The following FAM53B variants were observed in gnomAD, a reference collection of about 807,000 sequenced individuals.
FAM53B encodes the protein protein FAM53B.
A neutral mutation model predicts 32.7 loss-of-function variants in FAM53B; 12 were observed. The ratio of observed to expected loss-of-function variants is 0.37; its 90% CI spans 0.24 to 0.59. FAM53B has a LOEUF of 0.59. Ranked by LOEUF, FAM53B falls within the 20% of genes least tolerant of loss-of-function variation. The probability of loss-of-function intolerance (pLI) is 0.72; values close to 1 mark genes in which losing one functional copy is unlikely to be tolerated. For synonymous variants in FAM53B, 234 were observed against 228.7 expected (o/e 1.02, Z -0.21); for missense variants, 477 against 577.7 (o/e 0.83, Z 1.79).
intron 3 of FAM53B, among the ~76,000 whole-genome samples, chr10:124,690,765 T>C (rs1258465817): frequency 1.3e-5 from 2 of 152,110 alleles, no homozygotes; most frequent in Non-Finnish European, 2.9e-5. Flanking sequence ...ATAATAAAAA[T>C]AAAAATAATA....
intron 1 of FAM53B, chr10:124,707,911 G>A (rs1949972511): frequency 6.6e-6 from 1 of 152,166 alleles, no homozygotes. Flanking sequence ...ATTCTGCACA[G>A]CCTATCCGCA....
intron 4 of FAM53B, among the ~76,000 whole-genome samples, chr10:124,631,066 G>A (rs1949387972): frequency 6.6e-6 from 1 of 152,222 alleles, no homozygotes; most frequent in Non-Finnish European, 1.5e-5. Flanking sequence ...GCCACGCTGA[G>A]TCACTTCGGG....
chr10:124,707,985 G>C (rs1949973166), intron 1 of FAM53B: 1 of 152,186 alleles, frequency 6.6e-6, no homozygotes, highest in Admixed American at 6.5e-5. Context: ...GCGGCCTTCA[G>C]TTCAGGTTTG....
At chr10:124,718,417 C>A (rs1441434334) in intron 1 of FAM53B, among the ~76,000 whole-genome samples, 1 of 151,620 alleles carries the variant, frequency 6.6e-6, no homozygotes, top group Non-Finnish European at 1.5e-5. Context: ...TCTACCCCCA[C>A]ATCGCGCTGC....
At chr10:124,680,329 C>T (rs895022126) in intron 4 of FAM53B, among the ~76,000 whole-genome samples, 1 of 152,208 alleles carries the variant, frequency 6.6e-6, no homozygotes, top group Non-Finnish European at 1.5e-5. Flanking sequence ...AATGCCCCAG[C>T]CAGTGCCCAG....
intron 3 of FAM53B, among the ~76,000 whole-genome samples, chr10:124,687,229 C>T (rs545995011): frequency 3.3e-5 from 5 of 152,304 alleles, no homozygotes; most frequent in East Asian, 1.9e-4. Flanking sequence ...TAGGCCCTGA[C>T]GTCACACCAT....
intron 4 of FAM53B, among the ~76,000 whole-genome samples, chr10:124,646,161 G>A (rs372091488): frequency 1.8e-4 from 28 of 152,338 alleles, no homozygotes; most frequent in African/African-American, 6.5e-4. Flanking sequence ...AGCGGATGGA[G>A]TCAGGGATCC....
At position 124,657,177 on chromosome 10, in the gene FAM53B, CAT is replaced by C. The variant is rs368205103; in HGVS notation, c.906+24428_906+24429del. On this transcript the variant is annotated intron_variant, in intron 4 of 4. Transcript: ENST00000337318. ...ATATATGTGTGTATATATATATGTA[CAT>C]ATATATATATATATAAGAAATGGCA... Among the ~76,000 whole-genome samples the C allele has an allele frequency of 5.0e-3, 378 of 75,018 alleles. 4 individuals carry two copies. Among genetic ancestry groups the C allele is most frequent in the East Asian group, 0.027 (77 of 2,844 alleles). The allele number at this position is 75,018 out of a possible 152,430, so 49.2% of individuals were successfully genotyped here. A position where few individuals can be genotyped will look rare whatever the true frequency, so the allele number is the denominator to read the frequency against.
rs1348274605 is a variant in FAM53B, at chr10:124,682,543, TGA to T, written c.134-166_134-165del. Among the ~76,000 whole-genome samples, 1 of 152,116 alleles carries T rather than the reference TGA, an allele frequency of 6.6e-6. No individual in the cohort carries two copies. Among genetic ancestry groups the T allele is most frequent in the African/African-American group, 2.4e-5 (1 of 41,420 alleles). ...CATTTTACAGATGAGAAATTGAGGC[TGA>T]GAGAGGAGAAGTGAATCCCAAGGCT... On this transcript the variant is annotated intron_variant, in intron 3 of 4. Coordinates refer to ENST00000337318, the MANE Select transcript of FAM53B (RefSeq NM_014661.4). This position sits in a 1 kb window ranked among gnomAD's most constrained non-coding sequence, Gnocchi z 5.2.
chr10:124,732,972 C>T (rs984857983), intron 1 of FAM53B, among the ~76,000 whole-genome samples: 1 of 152,222 alleles, frequency 6.6e-6, no homozygotes, highest in African/African-American at 2.4e-5. Context: ...CTCCAGTTTG[C>T]TGCTCAACTT....
At chr10:124,683,314 C>T (rs1949784272) in intron 3 of FAM53B, among the ~76,000 whole-genome samples, 1 of 152,100 alleles carries the variant, frequency 6.6e-6, no homozygotes, top group Non-Finnish European at 1.5e-5. Context: ...TTCTTGTATT[C>T]AAGTTTACAG....
chr10:124,669,757 G>C (rs919680504), intron 4 of FAM53B, among the ~76,000 whole-genome samples: 1 of 152,196 alleles, frequency 6.6e-6, no homozygotes, highest in South Asian at 2.1e-4. Context: ...GGGCCAAAGA[G>C]TGAGTGGATC....
At chr10:124,693,819 G>A (rs140821944) in intron 3 of FAM53B, among the ~76,000 whole-genome samples, 30 of 152,326 alleles carry the variant, frequency 2.0e-4, no homozygotes, top group Admixed American at 9.1e-4. Flanking sequence ...TTCACTGTTC[G>A]TTGATCTTTC....
At chr10:124,716,474 AGAG>A (rs1343318903) in intron 1 of FAM53B, among the ~76,000 whole-genome samples, 1 of 152,192 alleles carries the variant, frequency 6.6e-6, no homozygotes, top group Non-Finnish European at 1.5e-5. Flanking sequence ...TAACATTTCA[AGAG>A]GAGGGGGAGG....
intron 1 of FAM53B, among the ~76,000 whole-genome samples, chr10:124,736,860 AC>A (rs1950176497): frequency 6.6e-6 from 1 of 152,252 alleles, no homozygotes. Flanking sequence ...GCAGCATGGC[AC>A]CCAGGCAGGA....
intron 1 of FAM53B, among the ~76,000 whole-genome samples, chr10:124,731,973 C>T (rs1036935902): frequency 7.9e-5 from 12 of 152,200 alleles, no homozygotes; most frequent in Non-Finnish European, 1.5e-4. Context: ...AGTCTTCTCC[C>T]TATCTCCTCC....
At chr10:124,728,077 A>G (rs1173462707) in intron 1 of FAM53B, among the ~76,000 whole-genome samples, 4 of 152,192 alleles carry the variant, frequency 2.6e-5, no homozygotes, top group Non-Finnish European at 5.9e-5. Flanking sequence ...ACTAAGTTTC[A>G]TCTTGGTTTG....
At chr10:124,670,022 G>A (rs1949698234) in intron 4 of FAM53B, among the ~76,000 whole-genome samples, 1 of 152,136 alleles carries the variant, frequency 6.6e-6, no homozygotes, top group South Asian at 2.1e-4. Context: ...CCGGCCCGTG[G>A]ATTAGGAGTT....
intron 1 of FAM53B, among the ~76,000 whole-genome samples, chr10:124,721,625 G>A (rs553068461): frequency 2.6e-5 from 4 of 152,366 alleles, no homozygotes; most frequent in Admixed American, 1.3e-4. Flanking sequence ...AAAGGAGTAA[G>A]ACAGCTTCCT....
Sources: allele counts gnomAD v4.1 joint callset (sites outside exome capture counted in the v4.1 genomes callset), GRCh38; gene constraint gnomAD v4.1.1; non-coding constraint Gnocchi (gnomAD v3.1); transcripts MANE v1.5; gene names NCBI Gene and HGNC (gene_info 2026-07-23, HGNC 2026-07-21).